The following COL6A2 variants were observed in gnomAD, a reference collection of about 807,000 sequenced individuals.
COL6A2 encodes collagen type VI alpha 2 chain.
Under a neutral mutation model 124.9 loss-of-function variants are expected in COL6A2, and 90 were observed. The ratio of observed to expected loss-of-function variants is 0.72; its 90% CI spans 0.61 to 0.86. The LOEUF (loss-of-function observed/expected upper bound fraction) is 0.86, where lower values mean the gene tolerates loss of function less well. COL6A2 is among the 40% of genes least tolerant of loss of function. The pLI is 0.00. For synonymous variants in COL6A2, 793 were observed against 618.2 expected (o/e 1.28, Z -4.19); for missense variants, 1,607 against 1,502.5 (o/e 1.07, Z -1.15).
intron 15 of COL6A2, 101 bp downstream of exon 15, chr21:46,119,951 C>G: frequency 9.6e-7 from 1 of 1,045,310 alleles, no homozygotes; most frequent in Admixed American, 2.0e-5. Context: ...CAACAGAACC[C>G]CAGGGCCTCA....
In COL6A2 at chr21:46,116,548, C is replaced by T; in HGVS notation, c.928-103C>T. ...TGGCTTTGGGGGCTCCTGGGGGGTCCTGTGGCCTTGAGTTTGGCCCAAGGG... is the reference window on the plus strand; with the variant it reads ...TGGCTTTGGGGGCTCCTGGGGGGTCTTGTGGCCTTGAGTTTGGCCCAAGGG... On this transcript the variant is annotated intron_variant, in intron 8 of 27. Transcript: ENST00000300527. The surrounding 1 kb of genome is among the most constrained non-coding windows in gnomAD (Gnocchi z 4.6). The T allele has an allele frequency of 6.3e-7, 1 of 1,585,962 alleles. No individual in the cohort carries two copies. The highest frequency in any genetic ancestry group is 8.6e-7 in the Non-Finnish European group (1 of 1,158,318).
chr21:46,102,719 T>TG (rs2078300677), intron 1 of COL6A2, among the ~76,000 whole-genome samples: 3 of 147,678 alleles, frequency 2.0e-5, no homozygotes. Flanking sequence ...TTTTTTTTTT[T>TG]GTATGTTGAA....
chr21:46,124,954 C>T (rs1475850982), intron 23 of COL6A2, 34 bp downstream of exon 23: 11 of 1,612,232 alleles, frequency 6.8e-6, no homozygotes, highest in African/African-American at 1.3e-5. Flanking sequence ...CAGTGTCCTT[C>T]TCCTGCCAAA....
In COL6A2 at chr21:46,127,390, C is replaced by T. The variant is rs771583389; in HGVS notation, c.2461+849C>T. ...TGAGCTGGGCCACTGAGCACATTCA[C>T]AGGCCCTGAGGCTGCCCCAGGGGAG... On this transcript the variant is annotated intron_variant, in intron 27 of 27. Transcript: ENST00000300527. 4.6e-5 allele frequency among the ~76,000 whole-genome samples: 7 copies of T among 152,132 alleles called. No homozygotes were observed. The East Asian group carries it at 1.2e-3, about 25-fold the overall frequency.
intron 23 of COL6A2, 143 bp downstream of exon 23, chr21:46,125,063 C>T (rs558203633): frequency 8.1e-7 from 1 of 1,230,216 alleles, no homozygotes; most frequent in Non-Finnish European, 1.2e-6. Context: ...AGAGAGCAAG[C>T]TTGGTTGGGG....
rs1483161729 is a variant in COL6A2 at position 46,116,258 on chromosome 21, C to G, written c.901-119C>G. ...TCAGCCTCCTCCGCAGACTGTTTGT[C>G]GAGAACACTAGATGCCAGCGGCCCA... is the stretch of plus-strand genomic sequence containing the variant. On this transcript the variant is annotated intron_variant, in intron 7 of 27. Coordinates refer to ENST00000300527, the MANE Select transcript of COL6A2 (RefSeq NM_001849.4). This position sits in a 1 kb window ranked among gnomAD's most constrained non-coding sequence, Gnocchi z 4.6. The G allele has an allele frequency of 5.4e-6, 7 of 1,288,412 alleles. No homozygotes were observed. Among genetic ancestry groups the G allele is most frequent in the South Asian group, 1.2e-5 (1 of 80,364 alleles). The allele number at this position is 1,288,412 out of a possible 1,614,324, so 79.8% of individuals were successfully genotyped here.
At chr21:46,101,083 T>C (rs2078283528) in intron 1 of COL6A2, among the ~76,000 whole-genome samples, 2 of 152,364 alleles carry the variant, frequency 1.3e-5, no homozygotes, top group South Asian at 4.1e-4. Flanking sequence ...CGCTTGGTTT[T>C]TTTTAAATGT....
Position 46,111,436 on chromosome 21 carries a change from C to A in COL6A2, c.-27-14C>A. ...GCACTGGGGGTGTCTGAGCGACCCC[C>A]ACCCCTGTTGCAGGACTTCAGGGCC... is the stretch of plus-strand genomic sequence containing the variant. On this transcript the variant is annotated splice_polypyrimidine_tract_variant and intron_variant, in intron 1 of 27. Transcript: ENST00000300527. The A allele has an allele frequency of 6.6e-7, 1 of 1,517,812 alleles. No homozygotes were observed. The highest frequency in any genetic ancestry group is 9.1e-7 in the Non-Finnish European group (1 of 1,096,448). The allele number at this position is 1,517,812 out of a possible 1,614,324, so 94.0% of individuals were successfully genotyped here.
At position 46,126,974 on chromosome 21, in the gene COL6A2, T is replaced by C. The variant is rs540152223; in HGVS notation, c.2461+433T>C. Among the ~76,000 whole-genome samples, 408 of 151,768 alleles carry C rather than the reference T, an allele frequency of 2.7e-3. 1 individual carries two copies. The highest frequency in any genetic ancestry group is 9.6e-3 in the African/African-American group (399 of 41,360). On this transcript the variant is annotated intron_variant, in intron 27 of 27. Coordinates refer to ENST00000300527, the MANE Select transcript of COL6A2 (RefSeq NM_001849.4). The stretch of plus-strand genomic sequence containing the variant: ...ACCCCCCAGCACCAGCAGGTCTTGC[T>C]CCAACCCTGGCCTGCCTCGGAGCTG...
chr21:46,113,863 C>A, intron 4 of COL6A2, 145 bp from the exon 5 acceptor site: 3 of 724,660 alleles, frequency 4.1e-6, no homozygotes, highest in Non-Finnish European at 7.5e-6. Context: ...CTCACAGCTC[C>A]CTCACGCCCG....
chr21:46,107,269 G>T (rs528851766), intron 1 of COL6A2, among the ~76,000 whole-genome samples: 1 of 151,914 alleles, frequency 6.6e-6, no homozygotes, highest in South Asian at 2.1e-4. Flanking sequence ...TTTTTATCTT[G>T]CCTATATTCT....
chr21:46,117,829 C>G, intron 11 of COL6A2, 45 bp from the exon 12 acceptor site: 1 of 1,579,838 alleles, frequency 6.3e-7, no homozygotes, highest in Non-Finnish European at 8.6e-7. Context: ...ATGGGGAGAA[C>G]CCCACCCGCC....
At position 46,117,752 on chromosome 21, in the gene COL6A2, T is replaced by TC. The variant is rs1555873476; in HGVS notation, c.1054-122_1054-121insC. 7.3e-5 allele frequency: 72 copies of TC among 985,540 alleles called. 2 individuals are homozygous for TC. Among genetic ancestry groups the TC allele is most frequent in the Admixed American group, 1.4e-4 (7 of 50,250 alleles). 61.0% of individuals were successfully genotyped at this position (985,540 alleles called of 1,614,324 possible). Reference sequence around the variant, plus strand: ...GGCCTGGCCTCTTGGTCACTGAGCCTGGGCCTCACAGTGAGGGTGGGAGGT... The same window carrying TC: ...GGCCTGGCCTCTTGGTCACTGAGCCTCGGGCCTCACAGTGAGGGTGGGAGGT... On this transcript the variant is annotated intron_variant, in intron 11 of 27. Coordinates refer to ENST00000300527, the MANE Select transcript of COL6A2 (RefSeq NM_001849.4).
intron 27 of COL6A2, among the ~76,000 whole-genome samples, chr21:46,131,517 C>T (rs908585226): frequency 2.6e-4 from 40 of 152,330 alleles, no homozygotes; most frequent in African/African-American, 9.1e-4. Context: ...AGCTCTGGGA[C>T]CCAGCGATTG....
Position 46,114,488 on chromosome 21 carries a change from C to G in COL6A2, c.801+415C>G, listed in dbSNP as rs566423048. ...CCAGCTGTATCTCAAATTGTCTCAA[C>G]ACTTCTGTCCCTGGAGAAACTAAAA... On this transcript the variant is annotated intron_variant, in intron 5 of 27. Coordinates refer to ENST00000300527, the MANE Select transcript of COL6A2 (RefSeq NM_001849.4). Among the ~76,000 whole-genome samples, 30 of 151,042 alleles carry G rather than the reference C, an allele frequency of 2.0e-4. No individual in the cohort carries two copies. The South Asian group carries it at 6.1e-3, about 31-fold the overall frequency.
chr21:46,123,793 T>C (rs1273372460), intron 21 of COL6A2, among the ~76,000 whole-genome samples: 1 of 144,628 alleles, frequency 6.9e-6, no homozygotes, highest in Non-Finnish European at 1.5e-5. Flanking sequence ...GGTGTATGTA[T>C]GGATGGGTTA....
chr21:46,132,155 A>G lies in COL6A2; in HGVS notation c.2663A>G (p.Gln888Arg), dbSNP rs750318665. Residue 888 changes from glutamine (Q) to arginine (R), a missense_variant, in exon 28 of 28, where the codon CAG (glutamine) becomes CGG (arginine). By Grantham distance (43) the Gln-to-Arg change is conservative. Transcript: ENST00000300527. ...ALLQFGGPGE[Q>R]QVAFPLSHNL... ...CTGCAGTTTGGTGGCCCCGGCGAGC[A>G]GCAGGTGGCCTTCCCGCTGAGCCAC... 26 of 1,570,176 alleles carry G rather than the reference A, an allele frequency of 1.7e-5. No individual in the cohort carries two copies. The highest frequency in any genetic ancestry group is 2.4e-5 in the East Asian group (1 of 41,830).
chr21:46,108,417 T>G (rs1172401434), intron 1 of COL6A2, among the ~76,000 whole-genome samples: 2 of 152,238 alleles, frequency 1.3e-5, no homozygotes, highest in Non-Finnish European at 2.9e-5. Context: ...TATGCATTTG[T>G]GTAAGGTGAA....
At chr21:46,118,543 C>T in intron 12 of COL6A2, 71 bp from the exon 13 acceptor site, 2 of 1,468,658 alleles carry the variant, frequency 1.4e-6, no homozygotes, top group Non-Finnish European at 1.9e-6. Flanking sequence ...GGGTCCTGCC[C>T]CCGCAGCGGG....
Sources: gnomAD v4.1 joint callset for allele counts (sites outside exome capture counted in the v4.1 genomes callset) on GRCh38, gnomAD v4.1.1 for gene constraint, Gnocchi (gnomAD v3.1) non-coding constraint, MANE v1.5 for transcripts, NCBI Gene and HGNC (gene_info 2026-07-23, HGNC 2026-07-21) for gene names.